ZNF780A: variants seen among roughly 807,000 people sequenced by gnomAD.
ZNF780A encodes the protein zinc finger protein 780A.
A neutral mutation model predicts 56.7 loss-of-function variants in ZNF780A; 40 were observed. The observed-to-expected ratio is 0.71, with a 90% confidence interval of 0.55 to 0.92. ZNF780A has a LOEUF of 0.92. Among genes scored for constraint, ZNF780A ranks in the 40% least tolerant of loss-of-function variants. The probability of loss-of-function intolerance (pLI) is 0.00; values close to 1 mark genes in which losing one functional copy is unlikely to be tolerated. For synonymous variants in ZNF780A, 231 were observed against 248.3 expected (o/e 0.93, Z 0.66); for missense variants, 672 against 783.3 (o/e 0.86, Z 1.70).
In ZNF780A at chr19:40,075,611, A is replaced by G. The variant is rs1437133536; in HGVS notation, c.831T>C (p.Tyr277=). The G allele has an allele frequency of 1.2e-6, 2 of 1,613,768 alleles. No homozygotes were observed. The highest frequency in any genetic ancestry group is 1.3e-5 in the African/African-American group (1 of 74,894). Reference sequence around the variant, plus strand: ...AGCCTTTCCCACACTCCTTACATTCATATGGTTTTACACCAGAATGAATAC... The same window carrying G: ...AGCCTTTCCCACACTCCTTACATTCGTATGGTTTTACACCAGAATGAATAC... ...HQSIHSGVKP[Y]ECKECGKGFN... Residue 277 remains tyrosine (Y), a synonymous_variant, in exon 6 of 6, where the codon TAT becomes TAC. Coordinates refer to ENST00000683561, the MANE Select transcript of ZNF780A (RefSeq NM_001142578.2).
At chr19:40,072,196 A>G, downstream of ZNF780A, 2 of 232,290 alleles carry the variant, frequency 8.6e-6, no homozygotes, top group Admixed American at 8.1e-5. Flanking sequence ...TGTTAATGAC[A>G]TCGAAGGCAC....
In ZNF780A at chr19:40,081,690, C is replaced by T. The variant is rs560882744; in HGVS notation, c.232+129G>A. ...CTTTATTTCCTTCCCAGGTCTTGGG[C>T]ATTTTTATCCAACAGGACTTGGGTC... On this transcript the variant is annotated intron_variant, in intron 5 of 5. Coordinates refer to ENST00000683561, the MANE Select transcript of ZNF780A (RefSeq NM_001142578.2). 9.8e-6 allele frequency: 7 copies of T among 712,896 alleles called. No homozygotes were observed. In the African/African-American group the frequency reaches 1.3e-4, roughly 13 times the overall value. 44.2% of individuals were successfully genotyped at this position (712,896 alleles called of 1,614,324 possible). A position where few individuals can be genotyped will look rare whatever the true frequency, so the allele number is the denominator to read the frequency against.
At chr19:40,079,199 C>G (rs1974334544) in intron 5 of ZNF780A, among the ~76,000 whole-genome samples, 1 of 152,028 alleles carries the variant, frequency 6.6e-6, no homozygotes, top group Middle Eastern at 3.2e-3. Context: ...ATATTTATAT[C>G]AGACAAAAAA....
intron 2 of ZNF780A, among the ~76,000 whole-genome samples, chr19:40,088,680 T>C (rs1974956445): frequency 6.6e-6 from 1 of 152,136 alleles, no homozygotes. Flanking sequence ...AATCTGTATG[T>C]CAAAGAGATA....
rs1027216971 is a variant in ZNF780A at position 40,087,152 on chromosome 19, G to C, written c.-45-2354C>G. On this transcript the variant is annotated intron_variant, in intron 2 of 5. Transcript: ENST00000683561. The stretch of plus-strand genomic sequence containing the variant: ...TTGAGTCTAGTATGATTAGCTTAAT[G>C]ATTTCTGTATTATAGGACACTTATT... Among the ~76,000 whole-genome samples, 17 of 152,110 alleles carry C rather than the reference G, an allele frequency of 1.1e-4. 1 individual carries two copies. The highest frequency in any genetic ancestry group is 4.1e-4 in the African/African-American group (17 of 41,484).
chr19:40,083,304 A>C, intron 3 of ZNF780A, 67 bp from the exon 4 acceptor site: 11 of 1,600,002 alleles, frequency 6.9e-6, no homozygotes, highest in Non-Finnish European at 9.4e-6. Context: ...AAGGAGAGGA[A>C]GTGAAGGAGT....
At chr19:40,076,992 A>C (rs1349190511) in intron 5 of ZNF780A, among the ~76,000 whole-genome samples, 1 of 152,056 alleles carries the variant, frequency 6.6e-6, no homozygotes, top group Non-Finnish European at 1.5e-5. Context: ...ACCATCACCC[A>C]TGCCACACTT....
At chr19:40,087,748 G>A (rs1193374442) in intron 2 of ZNF780A, among the ~76,000 whole-genome samples, 1 of 152,092 alleles carries the variant, frequency 6.6e-6, no homozygotes, top group Non-Finnish European at 1.5e-5. Flanking sequence ...AAAACTATCT[G>A]ACTTCAAGAT....
At chr19:40,089,124 A>G (rs2144984954) in intron 2 of ZNF780A, 1 of 819,188 alleles carries the variant, frequency 1.2e-6, no homozygotes, top group Non-Finnish European at 1.7e-6. Flanking sequence ...GGTATCTCCA[A>G]TTAATAACAA....
At chr19:40,082,626 A>G (rs1974541309) in intron 4 of ZNF780A, among the ~76,000 whole-genome samples, 1 of 152,232 alleles carries the variant, frequency 6.6e-6, no homozygotes, top group South Asian at 2.1e-4. Context: ...GTCTCGGTCT[A>G]TTGCCCAGGC....
rs8107210 is a variant in ZNF780A, at chr19:40,075,530, G to A, written c.912C>T (p.Pro304=). The change falls in exon 6 of 6, where the codon CCC becomes CCT. Residue 304 remains proline (P), a synonymous_variant. Coordinates refer to ENST00000683561, the MANE Select transcript of ZNF780A (RefSeq NM_001142578.2). ...CCATCCCACATTCCTTACATACAAA[G>A]GGTTTCTCATTGGAATGAATTTTCT... The part of the protein sequence containing the change: ...QHQKIHSNEK[P]FVCKECGMAF... 11,568 of 1,610,154 alleles carry A rather than the reference G, an allele frequency of 7.2e-3. 57 individuals carry two copies. The highest frequency in any genetic ancestry group is 8.0e-3 in the Middle Eastern group (48 of 6,020).
rs1974032627 is a variant in ZNF780A, at chr19:40,075,127, G to A, written c.1315C>T (p.His439Tyr). The A allele has an allele frequency of 1.2e-6, 2 of 1,613,978 alleles. No individual in the cohort carries two copies. The highest frequency in any genetic ancestry group is 4.5e-5 in the East Asian group (2 of 44,850). Residue 439 changes from histidine to tyrosine, a missense_variant, in exon 6 of 6, where the codon CAT becomes TAT. His to Tyr is a moderately conservative substitution (Grantham distance 83). Coordinates refer to ENST00000683561, the MANE Select transcript of ZNF780A (RefSeq NM_001142578.2). ...CATACAAAAGGTTTCTCATTGGAATGAATTTTCTGATGCTGAATAAGGTGT... is the reference window on the plus strand; with the variant it reads ...CATACAAAAGGTTTCTCATTGGAATAAATTTTCTGATGCTGAATAAGGTGT... The part of the protein sequence containing the change: ...GAHLIQHQKI[H>Y]SNEKPFVCRE...
Position 40,075,841 on chromosome 19 carries a change from C to T in ZNF780A, c.601G>A (p.Ala201Thr), listed in dbSNP as rs149697014. The change falls in exon 6 of 6, where the codon GCC (alanine) becomes ACC (threonine). Residue 201 changes from alanine (A) to threonine (T), a missense_variant. Coordinates refer to ENST00000683561, the MANE Select transcript of ZNF780A (RefSeq NM_001142578.2). ...KPFECKECGK[A>T]FRLHIQFTRH... ...GTAAATTGTATGTGAAGTCGAAAGG[C>T]TTTCCCACACTCCTTACATTCAAAG... The T allele has an allele frequency of 6.2e-6, 10 of 1,613,850 alleles. No individual in the cohort carries two copies. In the African/African-American group the frequency reaches 1.3e-4, roughly 22 times the overall value.
chr19:40,077,064 A>G (rs1974182663), intron 5 of ZNF780A, among the ~76,000 whole-genome samples: 1 of 152,032 alleles, frequency 6.6e-6, no homozygotes, highest in Non-Finnish European at 1.5e-5. Flanking sequence ...TGCCAGCACT[A>G]TCCAAACTAC....
chr19:40,074,430 A>C lies in ZNF780A; in HGVS notation c.*86T>G. The C allele has an allele frequency of 1.3e-6, 2 of 1,573,958 alleles. No individual in the cohort carries two copies. The highest frequency in any genetic ancestry group is 1.7e-6 in the Non-Finnish European group (2 of 1,161,736). On this transcript the variant is annotated 3_prime_UTR_variant, in exon 6 of 6. Transcript: ENST00000683561. The stretch of plus-strand genomic sequence containing the variant: ...ATGAAGCCTTTCCCACACCCCTTAC[A>C]TTCACATGGTTTTACACCAGCACGA...
At chr19:40,085,068 G>A (rs1003240174) in intron 2 of ZNF780A, 1 of 889,124 alleles carries the variant, frequency 1.1e-6, no homozygotes, top group African/African-American at 1.8e-5. Context: ...CTGCCTTGAA[G>A]TTGTGGCTTC....
chr19:40,073,002 G>C, downstream of ZNF780A: 1 of 1,534,576 alleles, frequency 6.5e-7, no homozygotes, highest in Non-Finnish European at 8.8e-7. Flanking sequence ...TGATATTACA[G>C]AATTATGAAT....
chr19:40,086,886 A>G (rs1018478611), intron 2 of ZNF780A, among the ~76,000 whole-genome samples: 6 of 152,030 alleles, frequency 3.9e-5, no homozygotes, highest in African/African-American at 1.5e-4. Context: ...TATTTTTAGT[A>G]GAGACAAGGT....
intron 4 of ZNF780A, 135 bp downstream of exon 4, chr19:40,082,976 A>G: frequency 1.4e-6 from 2 of 1,454,982 alleles, no homozygotes; most frequent in Non-Finnish European, 1.9e-6. Flanking sequence ...CAACCCAACA[A>G]ATCCCAATCC....
Sources: gnomAD v4.1 joint callset for allele counts (sites outside exome capture counted in the v4.1 genomes callset) on GRCh38, gnomAD v4.1.1 for gene constraint, MANE v1.5 for transcripts, NCBI Gene and HGNC (gene_info 2026-07-23, HGNC 2026-07-21) for gene names.